GABBR2: variants seen among roughly 807,000 people sequenced by gnomAD.
The protein encoded by GABBR2 is G-protein coupled receptor 51.
GABBR2 carries 23 observed loss-of-function variants against 105.6 expected under a neutral mutation model. The observed-to-expected ratio is 0.22, with a 90% CI of 0.16 to 0.31. GABBR2 has a LOEUF of 0.31. GABBR2 is among the 10% of genes least tolerant of loss of function. The pLI is 1.00. For synonymous variants in GABBR2, 478 were observed against 499.7 expected, an observed-to-expected ratio of 0.96 and a Z score of 0.58; for missense variants, 734 against 1,245.5, an observed-to-expected ratio of 0.59 and a Z score of 6.18.
intron 1 of GABBR2, among the ~76,000 whole-genome samples, chr9:98,647,344 T>C (rs575128864): frequency 1.3e-5 from 2 of 152,352 alleles, no homozygotes; most frequent in East Asian, 3.9e-4. Context: ...GCTCTATTCT[T>C]TCTCCGACAC....
chr9:98,478,938 C>T lies in GABBR2; in HGVS notation c.798+1994G>A, dbSNP rs149034231. ...AGCTCCTTGCAAGGCCCTGGGGATA[C>T]TGGAGAGGGGATACCGAGTTTCTTT... On this transcript the variant is annotated intron_variant, in intron 5 of 18. Transcript: ENST00000259455. 2.9e-3 allele frequency among the ~76,000 whole-genome samples: 449 copies of T among 152,254 alleles called. 2 individuals carry two copies. Among genetic ancestry groups the T allele is most frequent in the Non-Finnish European group, 5.2e-3 (354 of 68,022 alleles).
chr9:98,456,804 A>C (rs1002518051), intron 6 of GABBR2, among the ~76,000 whole-genome samples: 6 of 152,204 alleles, frequency 3.9e-5, no homozygotes. Flanking sequence ...GTTAAGAAAA[A>C]AGTATTCTTT....
chr9:98,473,699 G>A (rs1826733347), intron 5 of GABBR2, among the ~76,000 whole-genome samples: 1 of 152,066 alleles, frequency 6.6e-6, no homozygotes, highest in Non-Finnish European at 1.5e-5. Context: ...CAAGAGAAAA[G>A]GGCAACAAGG....
intron 1 of GABBR2, among the ~76,000 whole-genome samples, chr9:98,672,306 G>A (rs1337480871): frequency 1.3e-5 from 2 of 152,164 alleles, no homozygotes; most frequent in Admixed American, 6.5e-5. Flanking sequence ...AAGTCAGACA[G>A]TATTTGTCTT....
rs1564072366 is a variant in GABBR2 at position 98,447,060 on chromosome 9, C to CTTTTTTTTTTTTTT, written c.1236+6920_1236+6921insAAAAAAAAAAAAAA. On this transcript the variant is annotated intron_variant, in intron 7 of 18. Coordinates refer to ENST00000259455, the MANE Select transcript of GABBR2 (RefSeq NM_005458.8). ...TTTCCCAGATTCAACCTAAAAAAGACTTCTTTTTTTTTTTTTTTTGAGACG... is the reference window on the plus strand; with the variant it reads ...TTTCCCAGATTCAACCTAAAAAAGACTTTTTTTTTTTTTTTTCTTTTTTTTTTTTTTTTGAGACG... Among the ~76,000 whole-genome samples the CTTTTTTTTTTTTTT allele has an allele frequency of 2.6e-5, 3 of 115,874 alleles. 1 individual carries two copies. The highest frequency in any genetic ancestry group is 1.9e-4 in the Admixed American group (2 of 10,740). 76.0% of individuals were successfully genotyped at this position (115,874 alleles called of 152,430 possible).
At chr9:98,490,500 A>G (rs546895058) in intron 4 of GABBR2, among the ~76,000 whole-genome samples, 1 of 152,132 alleles carries the variant, frequency 6.6e-6, no homozygotes, top group Non-Finnish European at 1.5e-5. Context: ...TTGTTGTTTG[A>G]TTTTACAATA....
intron 1 of GABBR2, among the ~76,000 whole-genome samples, chr9:98,702,214 G>A (rs1032879014): frequency 6.6e-6 from 1 of 152,046 alleles, no homozygotes; most frequent in African/African-American, 2.4e-5. Flanking sequence ...CACCCCTGCA[G>A]GGACCCTCTC....
chr9:98,682,849 GT>G (rs1266284696), intron 1 of GABBR2, among the ~76,000 whole-genome samples: 2 of 152,024 alleles, frequency 1.3e-5, no homozygotes, highest in East Asian at 3.9e-4. Flanking sequence ...CAAAGTGAAA[GT>G]TTATCAACTG....
intron 13 of GABBR2, among the ~76,000 whole-genome samples, chr9:98,313,023 T>C (rs1471411293): frequency 2.0e-5 from 3 of 152,236 alleles, no homozygotes; most frequent in Admixed American, 6.5e-5. Flanking sequence ...GGGCTGGGAT[T>C]ACAGGCATGG....
intron 2 of GABBR2, among the ~76,000 whole-genome samples, chr9:98,560,917 G>C (rs1267475525): frequency 6.6e-6 from 1 of 151,618 alleles, no homozygotes; most frequent in African/African-American, 2.4e-5. Flanking sequence ...GTGCATCTTG[G>C]AAAGAATGAA....
intron 1 of GABBR2, among the ~76,000 whole-genome samples, chr9:98,615,561 C>T (rs914941760): frequency 3.3e-5 from 5 of 152,262 alleles, no homozygotes; most frequent in Non-Finnish European, 7.4e-5. Context: ...GCTAAGGTAA[C>T]GTGCTTCCAG....
intron 1 of GABBR2, among the ~76,000 whole-genome samples, chr9:98,596,034 C>A (rs1829229624): frequency 6.6e-6 from 1 of 152,236 alleles, no homozygotes; most frequent in Admixed American, 6.5e-5. Flanking sequence ...ATGGGCTGAG[C>A]CAGCACCCTC....
chr9:98,314,390 A>G (rs1438153123), intron 13 of GABBR2, among the ~76,000 whole-genome samples: 1 of 152,136 alleles, frequency 6.6e-6, no homozygotes, highest in African/African-American at 2.4e-5. Flanking sequence ...GCACGGACCC[A>G]TTCCAGTTAT....
At position 98,473,083 on chromosome 9, in the gene GABBR2, T is replaced by C. The variant is rs982529144; in HGVS notation, c.999+63A>G. ...AATAAATGTGCTCTTTTGGCCAATG[T>C]CATCAGACAAGATGATCAAAGGAGG... On this transcript the variant is annotated intron_variant, in intron 6 of 18. Transcript: ENST00000259455. The C allele has an allele frequency of 1.4e-5, 17 of 1,258,446 alleles. 1 individual carries two copies. Among genetic ancestry groups the C allele is most frequent in the South Asian group, 1.1e-4 (9 of 80,714 alleles). The allele number at this position is 1,258,446 out of a possible 1,614,324, so 78.0% of individuals were successfully genotyped here. A position where few individuals can be genotyped will look rare whatever the true frequency, so the allele number is the denominator to read the frequency against.
At chr9:98,338,507 A>G (rs7043006) in intron 13 of GABBR2, among the ~76,000 whole-genome samples, 23,886 of 152,204 alleles carry the variant, frequency 0.16, 2,104 homozygotes, top group African/African-American at 0.22. Context: ...AATGGCCAAT[A>G]AGCATGTAAA....
intron 13 of GABBR2, among the ~76,000 whole-genome samples, chr9:98,325,997 G>A (rs1161386128): frequency 1.3e-5 from 2 of 152,050 alleles, no homozygotes; most frequent in African/African-American, 2.4e-5. Context: ...TTGTCATCTC[G>A]TCCCTCATGA....
At position 98,552,923 on chromosome 9, in the gene GABBR2, C is replaced by T. The variant is rs115379339; in HGVS notation, c.460-10880G>A. ...ACAGGGTCTCACTCTGTCACCCAGA[C>T]TGGGGTACAGTAGCATGATCATAGC... On this transcript the variant is annotated intron_variant, in intron 2 of 18. Coordinates refer to ENST00000259455, the MANE Select transcript of GABBR2 (RefSeq NM_005458.8). Among the ~76,000 whole-genome samples, 445 of 152,192 alleles carry T rather than the reference C, an allele frequency of 2.9e-3. 1 individual carries two copies. Among genetic ancestry groups the T allele is most frequent in the African/African-American group, 9.9e-3 (413 of 41,544 alleles).
At chr9:98,304,289 C>A in intron 15 of GABBR2, 1 of 152,886 alleles carries the variant, frequency 6.5e-6, no homozygotes, top group East Asian at 1.9e-4. Flanking sequence ...CGCAGGGAGG[C>A]CTGGGGTAAA....
In GABBR2 at chr9:98,389,857, T is replaced by C. The variant is rs148926735; in HGVS notation, c.1379-853A>G. ...TTTAGGTCAGGTTTCTGCTGTGGAATTGTGAAACTTCAGGGCTTTTCTCTC... is the reference window on the plus strand; with the variant it reads ...TTTAGGTCAGGTTTCTGCTGTGGAACTGTGAAACTTCAGGGCTTTTCTCTC... On this transcript the variant is annotated intron_variant, in intron 9 of 18. Coordinates refer to ENST00000259455, the MANE Select transcript of GABBR2 (RefSeq NM_005458.8). Among the ~76,000 whole-genome samples, 1,414 of 152,260 alleles carry C rather than the reference T, an allele frequency of 9.3e-3. 14 individuals carry two copies. Among genetic ancestry groups the C allele is most frequent in the Non-Finnish European group, 0.013 (911 of 68,012 alleles).
Sources: allele counts gnomAD v4.1 joint callset (sites outside exome capture counted in the v4.1 genomes callset), GRCh38; gene constraint gnomAD v4.1.1; transcripts MANE v1.5; gene names NCBI Gene and HGNC (gene_info 2026-07-23, HGNC 2026-07-21).